The following TMEM163 variants were observed in gnomAD, a reference collection of about 807,000 sequenced individuals.
TMEM163 encodes transmembrane protein 163.
In TMEM163, 17 loss-of-function variants were observed where a neutral mutation model predicts 29.3. The observed-to-expected ratio is 0.58, with a 90% confidence interval of 0.40 to 0.87. The LOEUF (loss-of-function observed/expected upper bound fraction) is 0.87, where lower values mean the gene tolerates loss of function less well. Ranked by LOEUF, TMEM163 falls within the 40% of genes least tolerant of loss-of-function variation. The pLI, the probability that TMEM163 is intolerant of heterozygous loss-of-function variation, is 0.00. For missense variants in TMEM163, 303 were observed against 381.5 expected (o/e 0.79, Z 1.71); for synonymous variants, 157 against 160.6 (o/e 0.98, Z 0.17).
intron 2 of TMEM163, among the ~76,000 whole-genome samples, chr2:134,593,755 T>C (rs963677053): frequency 1.3e-5 from 2 of 152,018 alleles, no homozygotes; most frequent in African/African-American, 2.4e-5. Flanking sequence ...ATCATTTCTA[T>C]GGCCTAAAAG....
At chr2:134,647,894 C>T (rs564146551) in intron 2 of TMEM163, among the ~76,000 whole-genome samples, 26 of 152,304 alleles carry the variant, frequency 1.7e-4, no homozygotes, top group African/African-American at 5.3e-4. Context: ...CTGTGTGGCC[C>T]CGTGGCAGCA....
At chr2:134,511,265 G>A (rs60802178) in intron 4 of TMEM163, among the ~76,000 whole-genome samples, 23,595 of 151,940 alleles carry the variant, frequency 0.16, 2,018 homozygotes, top group Middle Eastern at 0.32. Flanking sequence ...ACCTGGGGAC[G>A]AGCACTCCAG....
At chr2:134,487,959 C>G (rs1679347735) in intron 5 of TMEM163, among the ~76,000 whole-genome samples, 1 of 151,896 alleles carries the variant, frequency 6.6e-6, no homozygotes. Context: ...TCTTAAACCT[C>G]TATGTCCTCC....
intron 2 of TMEM163, among the ~76,000 whole-genome samples, chr2:134,626,529 A>T (rs1054769926): frequency 1.3e-5 from 2 of 152,070 alleles, no homozygotes; most frequent in Non-Finnish European, 2.9e-5. Context: ...TTAAAGGAGC[A>T]TTGTGGTTGC....
intron 4 of TMEM163, among the ~76,000 whole-genome samples, chr2:134,546,775 C>T (rs531995632): frequency 6.0e-5 from 9 of 149,802 alleles, no homozygotes; most frequent in South Asian, 2.1e-4. Context: ...ATCATGCCAC[C>T]GCACTCCAGC....
At chr2:134,613,135 A>G (rs1682541817) in intron 2 of TMEM163, among the ~76,000 whole-genome samples, 1 of 152,232 alleles carries the variant, frequency 6.6e-6, no homozygotes, top group Admixed American at 6.5e-5. Context: ...AAAATTCTAC[A>G]GCAGGTGCTT....
intron 5 of TMEM163, among the ~76,000 whole-genome samples, chr2:134,500,302 C>T (rs1679669763): frequency 1.3e-5 from 2 of 152,234 alleles, no homozygotes; most frequent in Admixed American, 6.5e-5. Flanking sequence ...CACCTGTTGG[C>T]TTCTATAAAC....
Position 134,515,341 on chromosome 2 carries a change from T to C in TMEM163, c.459-12344A>G, listed in dbSNP as rs150703996. On this transcript the variant is annotated intron_variant, in intron 4 of 7. Transcript: ENST00000281924. ...TCTTCTGCTCTGTCTCTGTGGGAAA[T>C]GACGAGCTCAGCACCTTCTGAACAC... 8.5e-4 allele frequency among the ~76,000 whole-genome samples: 129 copies of C among 152,342 alleles called. 2 individuals carry two copies. The East Asian group carries it at 0.024, about 28-fold the overall frequency.
rs184564888 is a variant in TMEM163 at position 134,465,983 on chromosome 2, G to A, written c.667+131C>T. On this transcript the variant is annotated intron_variant, in intron 6 of 7. Coordinates refer to ENST00000281924, the MANE Select transcript of TMEM163 (RefSeq NM_030923.5). ...AGAATCATTAAACAACTTGAGGCGG[G>A]TAGGAGAGTGAGAAATGGATTCCAA... 354 of 643,388 alleles carry A rather than the reference G, an allele frequency of 5.5e-4. No homozygotes were observed. In the African/African-American group the frequency reaches 5.9e-3, roughly 11 times the overall value. 39.9% of individuals were successfully genotyped at this position (643,388 alleles called of 1,614,324 possible).
chr2:134,695,158 C>T lies in TMEM163; in HGVS notation c.322+18042G>A, dbSNP rs551806272. ...GTGGTTCAATCTCGGCTCACTGCAA[C>T]CTCCGCCTCCCGGATTCAAGCAATT... On this transcript the variant is annotated intron_variant, in intron 2 of 7. Coordinates refer to ENST00000281924, the MANE Select transcript of TMEM163 (RefSeq NM_030923.5). Among the ~76,000 whole-genome samples the T allele has an allele frequency of 3.9e-5, 6 of 152,212 alleles. No homozygotes were observed. In the South Asian group the frequency reaches 1.2e-3, roughly 32 times the overall value.
chr2:134,585,158 C>G lies in TMEM163; in HGVS notation c.323-33067G>C, dbSNP rs527967580. 2.6e-5 allele frequency among the ~76,000 whole-genome samples: 4 copies of G among 152,186 alleles called. No individual in the cohort carries two copies. The East Asian group carries it at 7.7e-4, about 29-fold the overall frequency. ...TGGAAACAGGGACAGAAAGAGATGGCAACCTCGTCCTCTTTTTTCTTTTTT... is the reference window on the plus strand; with the variant it reads ...TGGAAACAGGGACAGAAAGAGATGGGAACCTCGTCCTCTTTTTTCTTTTTT... On this transcript the variant is annotated intron_variant, in intron 2 of 7. Coordinates refer to ENST00000281924, the MANE Select transcript of TMEM163 (RefSeq NM_030923.5).
At chr2:134,642,023 G>A (rs1031341080) in intron 2 of TMEM163, among the ~76,000 whole-genome samples, 4 of 151,786 alleles carry the variant, frequency 2.6e-5, no homozygotes, top group South Asian at 2.1e-4. Context: ...GATTCATCAA[G>A]AAAACACAAC....
chr2:134,713,297 G>A lies in TMEM163; in HGVS notation c.225C>T (p.Arg75=). Residue 75 remains arginine, a synonymous_variant, in exon 2 of 8, where the codon CGC becomes CGT. Transcript: ENST00000281924. Reference sequence around the variant, plus strand: ...AGTTCTGGGCTTCGTGAGGTTTCAGGCGGGTGCTGCTTTCTAGTAAGCCTG... The same window carrying A: ...AGTTCTGGGCTTCGTGAGGTTTCAGACGGGTGCTGCTTTCTAGTAAGCCTG... ...EDRGLLESST[R]LKPHEAQNYR... is the part of the protein sequence containing the mutation. The A allele has an allele frequency of 1.9e-6, 3 of 1,614,056 alleles. No individual in the cohort carries two copies. The highest frequency in any genetic ancestry group is 2.5e-6 in the Non-Finnish European group (3 of 1,180,006).
At chr2:134,481,357 A>G (rs960685402) in intron 5 of TMEM163, among the ~76,000 whole-genome samples, 1 of 135,302 alleles carries the variant, frequency 7.4e-6, no homozygotes, top group Non-Finnish European at 1.5e-5. Context: ...GGACAGACCT[A>G]GTGGGAGGTA....
chr2:134,559,476 T>C (rs187862453), intron 2 of TMEM163, among the ~76,000 whole-genome samples: 2 of 152,312 alleles, frequency 1.3e-5, no homozygotes, highest in African/African-American at 4.8e-5. Flanking sequence ...TGAGAGCTCT[T>C]TGACTTCTAC....
chr2:134,572,312 G>A (rs1176145507), intron 2 of TMEM163, among the ~76,000 whole-genome samples: 2 of 152,186 alleles, frequency 1.3e-5, no homozygotes, highest in Non-Finnish European at 2.9e-5. Context: ...GCAAATTGAT[G>A]TGAAAATAGC....
chr2:134,600,520 T>G (rs982004821), intron 2 of TMEM163, among the ~76,000 whole-genome samples: 1 of 152,180 alleles, frequency 6.6e-6, no homozygotes, highest in Non-Finnish European at 1.5e-5. Flanking sequence ...CTGATTCCCT[T>G]TAAGACTTGG....
intron 2 of TMEM163, among the ~76,000 whole-genome samples, chr2:134,562,839 T>C (rs574744177): frequency 7.2e-5 from 11 of 152,066 alleles, no homozygotes; most frequent in Non-Finnish European, 1.0e-4. Flanking sequence ...AAGAATAAAA[T>C]GATCAAAGAT....
rs1487112491 is a variant in TMEM163, at chr2:134,718,855, C to A, written c.81G>T (p.Pro27=). The change falls in exon 1 of 8, where the codon CCG becomes CCT. Residue 27 remains proline (P), a synonymous_variant. Transcript: ENST00000281924. ...VPPPPRGHAP[P]AAAPGPAPLS... is the part of the protein sequence containing the mutation. ...GCGGGGCCGGGCCGGGGGCGGCAGC[C>A]GGTGGCGCGTGGCCCCGGGGCGGCG... The A allele has an allele frequency of 3.6e-6, 4 of 1,115,844 alleles. No individual in the cohort carries two copies. The highest frequency in any genetic ancestry group is 4.4e-6 in the Non-Finnish European group (4 of 914,678). The allele number at this position is 1,115,844 out of a possible 1,614,324, so 69.1% of individuals were successfully genotyped here.
Sources: allele counts gnomAD v4.1 joint callset (sites outside exome capture counted in the v4.1 genomes callset), GRCh38; gene constraint gnomAD v4.1.1; transcripts MANE v1.5; gene names NCBI Gene and HGNC (gene_info 2026-07-23, HGNC 2026-07-21).